The following RP1 variants were observed in gnomAD, a reference collection of about 807,000 sequenced individuals.
The protein encoded by RP1 is RP1 axonemal microtubule associated.
RP1 carries 16 observed loss-of-function variants against 14.8 expected under a neutral mutation model. The observed-to-expected ratio is 1.08, with a 90% CI of 0.73 to 1.65. RP1 has a LOEUF of 1.65. RP1 is among the 40% of genes most tolerant of loss of function. The probability of loss-of-function intolerance (pLI) is 0.00; values close to 1 mark genes in which losing one functional copy is unlikely to be tolerated. For synonymous variants in RP1, 876 were observed against 883.6 expected (o/e 0.99, Z 0.15); for missense variants, 2,631 against 2,535.0 (o/e 1.04, Z -0.81).
At chr8:54,829,238 T>A (rs1465450203) in intron 24 of RP1, among the ~76,000 whole-genome samples, 1 of 152,196 alleles carries the variant, frequency 6.6e-6, no homozygotes, top group Non-Finnish European at 1.5e-5. Context: ...GATTTGGTTT[T>A]GCTGGGCTTG....
chr8:54,797,840 C>A (rs1188271857), intron 24 of RP1, among the ~76,000 whole-genome samples: 4 of 140,322 alleles, frequency 2.9e-5, no homozygotes, highest in South Asian at 2.3e-4. Context: ...TTTCTGATGT[C>A]ATTGATGAAG....
At chr8:54,860,218 T>G (rs1400381902) in intron 27 of RP1, among the ~76,000 whole-genome samples, 1 of 152,132 alleles carries the variant, frequency 6.6e-6, no homozygotes, top group African/African-American at 2.4e-5. Flanking sequence ...TTTACTCATA[T>G]AGAAATGGCT....
intron 1 of RP1, among the ~76,000 whole-genome samples, chr8:54,579,872 T>C (rs1183617340): frequency 6.6e-6 from 1 of 152,204 alleles, no homozygotes; most frequent in African/African-American, 2.4e-5. Flanking sequence ...AACTGCAATG[T>C]TCACCAACTT....
At chr8:54,683,065 C>T (rs1313173948) in intron 12 of RP1, among the ~76,000 whole-genome samples, 1 of 152,176 alleles carries the variant, frequency 6.6e-6, no homozygotes, top group East Asian at 1.9e-4. Flanking sequence ...AGTCCTTTTC[C>T]TATTGCTTGT....
chr8:54,775,124 T>C (rs2129377078), intron 23 of RP1, among the ~76,000 whole-genome samples: 1 of 151,930 alleles, frequency 6.6e-6, no homozygotes. Flanking sequence ...AGGGGCAAAC[T>C]CACCCACAGT....
intron 1 of RP1, among the ~76,000 whole-genome samples, chr8:54,596,588 T>G (rs1183161889): frequency 2.0e-5 from 3 of 152,164 alleles, no homozygotes; most frequent in Non-Finnish European, 2.9e-5. Flanking sequence ...TGATTTAACA[T>G]TGTTTTTGAC....
intron 15 of RP1, among the ~76,000 whole-genome samples, chr8:54,709,709 C>T (rs1247292069): frequency 1.3e-5 from 2 of 152,158 alleles, no homozygotes; most frequent in African/African-American, 2.4e-5. Flanking sequence ...GAGATAAGCA[C>T]ACCATAGCTA....
intron 6 of RP1, chr8:54,656,318 G>A (rs1023965198): frequency 9.5e-5 from 115 of 1,211,000 alleles, no homozygotes; most frequent in Non-Finnish European, 1.1e-4. Context: ...AATGATTAAG[G>A]ACTGCCAGTT....
rs201534661 is a variant in RP1, at chr8:54,828,882, CTTTTTTTTTTTT to C, written c.3616-8552_3616-8541del. 8.7e-3 allele frequency among the ~76,000 whole-genome samples: 728 copies of C among 83,948 alleles called. 4 individuals carry two copies. The highest frequency in any genetic ancestry group is 0.033 in the African/African-American group (689 of 20,788). The allele number at this position is 83,948 out of a possible 152,430, so 55.1% of individuals were successfully genotyped here. A position where few individuals can be genotyped will look rare whatever the true frequency, so the allele number is the denominator to read the frequency against. On this transcript the variant is annotated intron_variant, in intron 24 of 28. Coordinates refer to the RP1 transcript ENST00000637698. ...TTCTTTCTTCTTTCTTCTTCTTCTT[CTTTTTTTTTTTT>C]TTTTTTTTTTTTTTTGAGATGGAGT...
chr8:54,657,184 T>C (rs2129327615), intron 6 of RP1, among the ~76,000 whole-genome samples: 1 of 152,320 alleles, frequency 6.6e-6, no homozygotes, highest in South Asian at 2.1e-4. Context: ...AGCATTGTTA[T>C]CACTATTCTT....
intron 28 of RP1, among the ~76,000 whole-genome samples, chr8:54,867,437 G>C (rs1231528941): frequency 1.3e-5 from 2 of 152,200 alleles, no homozygotes; most frequent in Non-Finnish European, 2.9e-5. Flanking sequence ...GGAATAGAAG[G>C]GGCAAAGATT....
chr8:54,677,168 T>C (rs141717060), intron 8 of RP1, among the ~76,000 whole-genome samples: 31 of 151,794 alleles, frequency 2.0e-4, no homozygotes, highest in African/African-American at 7.0e-4. Flanking sequence ...GCACTGAAAA[T>C]CCTGCATCCT....
At chr8:54,826,900 C>T (rs115423287) in intron 24 of RP1, among the ~76,000 whole-genome samples, 1,741 of 152,322 alleles carry the variant, frequency 0.011, 42 homozygotes, top group African/African-American at 0.04. Context: ...GCCTGCTACT[C>T]GCCTATGCTA....
At chr8:54,630,952 A>G, downstream of RP1, 3 of 500,826 alleles carry the variant, frequency 6.0e-6, no homozygotes, top group Non-Finnish European at 7.7e-6. Context: ...ATTGGTTTGA[A>G]TAATTGTGGT....
downstream of RP1, among the ~76,000 whole-genome samples, chr8:54,634,395 C>T (rs576779761): frequency 9.9e-5 from 15 of 152,062 alleles, no homozygotes; most frequent in Non-Finnish European, 1.9e-4. Context: ...CTGGACACCA[C>T]CAATTTATAT....
intron 24 of RP1, among the ~76,000 whole-genome samples, chr8:54,832,757 G>A (rs1811562166): frequency 6.6e-6 from 1 of 151,688 alleles, no homozygotes; most frequent in Non-Finnish European, 1.5e-5. Flanking sequence ...CTGTTAATTT[G>A]TGGATCACCT....
chr8:54,777,049 G>A (rs916009527), intron 23 of RP1, among the ~76,000 whole-genome samples: 1 of 152,284 alleles, frequency 6.6e-6, no homozygotes, highest in Admixed American at 6.5e-5. Context: ...TGCATGGCTT[G>A]GGAAATCACT....
intron 1 of RP1, among the ~76,000 whole-genome samples, chr8:54,593,374 T>C (rs559689810): frequency 5.4e-4 from 82 of 152,344 alleles, no homozygotes; most frequent in Non-Finnish European, 1.1e-3. Flanking sequence ...TTCCATCCTG[T>C]GTCTGCATTA....
chr8:54,746,318 G>A (rs1809223416), intron 19 of RP1, among the ~76,000 whole-genome samples: 1 of 152,114 alleles, frequency 6.6e-6, no homozygotes, highest in Non-Finnish European at 1.5e-5. Context: ...GTACTTTGGG[G>A]CTTTTGATCT....
Sources: gnomAD v4.1 joint callset for allele counts (sites outside exome capture counted in the v4.1 genomes callset) on GRCh38, gnomAD v4.1.1 for gene constraint, MANE v1.5 for transcripts, NCBI Gene and HGNC (gene_info 2026-07-23, HGNC 2026-07-21) for gene names.